The following MACROD2 variants were observed in gnomAD, a reference collection of about 807,000 sequenced individuals.
The protein encoded by MACROD2 is mono-ADP ribosylhydrolase 2, also known as ADP-ribose glycohydrolase MACROD2.
Under a neutral mutation model 70.4 loss-of-function variants are expected in MACROD2, and 36 were observed. The ratio of observed to expected loss-of-function variants is 0.51; its 90% CI spans 0.39 to 0.68. The LOEUF is 0.68. MACROD2 is among the 30% of genes least tolerant of loss of function. The pLI is 0.00. For synonymous variants in MACROD2, 172 were observed against 178.8 expected (o/e 0.96, Z 0.30); for missense variants, 496 against 538.4 (o/e 0.92, Z 0.78).
chr20:16,042,611 AGT>A (rs1016299037), intron 16 of MACROD2, among the ~76,000 whole-genome samples: 11 of 152,036 alleles, frequency 7.2e-5, no homozygotes, highest in African/African-American at 2.4e-4. Context: ...TTTTAGAACT[AGT>A]ATCCCTTGGT....
At chr20:14,685,929 GT>G (rs2070996623) in intron 5 of MACROD2, among the ~76,000 whole-genome samples, 1 of 152,174 alleles carries the variant, frequency 6.6e-6, no homozygotes, top group Non-Finnish European at 1.5e-5. Context: ...TGAATTTCTT[GT>G]GGATGTGTGT....
intron 5 of MACROD2, among the ~76,000 whole-genome samples, chr20:14,811,873 A>G (rs878942839): frequency 6.6e-6 from 1 of 152,148 alleles, no homozygotes; most frequent in African/African-American, 2.4e-5. Context: ...CAAAACCACA[A>G]TGAGATACCA....
chr20:15,994,177 A>G (rs1164385344), intron 15 of MACROD2, among the ~76,000 whole-genome samples: 1 of 152,190 alleles, frequency 6.6e-6, no homozygotes, highest in East Asian at 1.9e-4. Flanking sequence ...GTAGCTTCCA[A>G]CTTCATCTGA....
intron 4 of MACROD2, among the ~76,000 whole-genome samples, chr20:14,548,287 A>T (rs1473768334): frequency 6.6e-6 from 1 of 152,164 alleles, no homozygotes; most frequent in Non-Finnish European, 1.5e-5. Context: ...TTACTCCATG[A>T]TAGTTTTCCC....
intron 3 of MACROD2, among the ~76,000 whole-genome samples, chr20:14,434,580 C>T (rs1249981911): frequency 1.3e-5 from 2 of 152,128 alleles, no homozygotes; most frequent in African/African-American, 2.4e-5. Flanking sequence ...TTGTTAACAA[C>T]CTAAGGTGAG....
At chr20:15,110,713 C>T (rs533199935) in intron 5 of MACROD2, among the ~76,000 whole-genome samples, 2 of 152,248 alleles carry the variant, frequency 1.3e-5, no homozygotes, top group African/African-American at 2.4e-5. Flanking sequence ...TCTCCTTCTG[C>T]GAGGGACTAT....
intron 8 of MACROD2, among the ~76,000 whole-genome samples, chr20:15,553,852 A>C (rs1484014963): frequency 6.6e-6 from 1 of 152,256 alleles, no homozygotes; most frequent in Non-Finnish European, 1.5e-5. Context: ...GGCACGGACA[A>C]GAATCAGGAC....
At position 14,305,428 on chromosome 20, in the gene MACROD2, A is replaced by G. The variant is rs541182442; in HGVS notation, c.272-188051A>G. On this transcript the variant is annotated intron_variant, in intron 3 of 17. Transcript: ENST00000684519. Reference sequence around the variant, plus strand: ...TATTATCAATGGTGATTAGAACCAAAAACACAAAAGAGTGGAAGAGACTGA... The same window carrying G: ...TATTATCAATGGTGATTAGAACCAAGAACACAAAAGAGTGGAAGAGACTGA... Among the ~76,000 whole-genome samples the G allele has an allele frequency of 2.0e-5, 3 of 152,284 alleles. No homozygotes were observed. In the South Asian group the frequency reaches 6.2e-4, roughly 32 times the overall value.
chr20:15,451,225 C>G (rs1206457664), intron 7 of MACROD2, among the ~76,000 whole-genome samples: 1 of 151,858 alleles, frequency 6.6e-6, no homozygotes, highest in Non-Finnish European at 1.5e-5. Flanking sequence ...GTATGCTTCT[C>G]TTTGGGTTTT....
intron 4 of MACROD2, among the ~76,000 whole-genome samples, chr20:14,612,949 A>G (rs772456266): frequency 6.6e-6 from 1 of 152,054 alleles, no homozygotes; most frequent in South Asian, 2.1e-4. Flanking sequence ...TATTTCTTCT[A>G]TGCACCTACA....
chr20:14,081,251 C>A (rs952940119), intron 2 of MACROD2, among the ~76,000 whole-genome samples: 5 of 152,302 alleles, frequency 3.3e-5, no homozygotes, highest in Admixed American at 3.3e-4. Context: ...TATATTTCCT[C>A]TTAGTTATTT....
At chr20:15,987,240 C>A in intron 15 of MACROD2, 82 bp downstream of exon 15, 2 of 1,130,934 alleles carry the variant, frequency 1.8e-6, no homozygotes, top group Non-Finnish European at 2.6e-6. Flanking sequence ...CAAAGTTATT[C>A]TCATGCAATT....
At chr20:15,921,680 C>T (rs1396399815) in intron 10 of MACROD2, among the ~76,000 whole-genome samples, 1 of 152,232 alleles carries the variant, frequency 6.6e-6, no homozygotes, top group Non-Finnish European at 1.5e-5. Context: ...ACTGAGGATA[C>T]TATATTTGCG....
Position 15,161,103 on chromosome 20 carries a change from G to A in MACROD2, c.419-68837G>A, listed in dbSNP as rs147088626. Reference sequence around the variant, plus strand: ...CCTGGTTTTGCCTCATTGCCATGTGGATTGGACATGTCAGTTCACCTCTCT... The same window carrying A: ...CCTGGTTTTGCCTCATTGCCATGTGAATTGGACATGTCAGTTCACCTCTCT... On this transcript the variant is annotated intron_variant, in intron 5 of 17. Transcript: ENST00000684519. 6.2e-3 allele frequency among the ~76,000 whole-genome samples: 948 copies of A among 152,022 alleles called. 5 individuals carry two copies. The highest frequency in any genetic ancestry group is 0.01 in the Non-Finnish European group (686 of 67,930).
intron 3 of MACROD2, among the ~76,000 whole-genome samples, chr20:14,441,404 T>A (rs2084121531): frequency 6.6e-6 from 1 of 152,140 alleles, no homozygotes; most frequent in Non-Finnish European, 1.5e-5. Context: ...CACAAGATCT[T>A]GTGCAATAAT....
intron 5 of MACROD2, among the ~76,000 whole-genome samples, chr20:14,891,123 T>G (rs2073755033): frequency 6.6e-6 from 1 of 151,922 alleles, no homozygotes; most frequent in South Asian, 2.1e-4. Context: ...AACCCATACT[T>G]GGATATTGTT....
In MACROD2 at chr20:15,533,493, CA is replaced by C. The variant is rs1232026953; in HGVS notation, c.645+33653del. 3.3e-5 allele frequency among the ~76,000 whole-genome samples: 5 copies of C among 150,974 alleles called. No individual in the cohort carries two copies. In the East Asian group the frequency reaches 5.9e-4, roughly 18 times the overall value. On this transcript the variant is annotated intron_variant, in intron 8 of 17. Transcript: ENST00000684519. ...AATACTTTAGAGTTATTTCAGACAA[CA>C]AAAAAACCCTTAGAGATCATCTATC... is the stretch of plus-strand genomic sequence containing the variant.
At chr20:14,338,803 A>G (rs748519884) in intron 3 of MACROD2, among the ~76,000 whole-genome samples, 1 of 152,150 alleles carries the variant, frequency 6.6e-6, no homozygotes, top group Non-Finnish European at 1.5e-5. Context: ...TAACAGAATT[A>G]TACTTGTATT....
chr20:15,443,535 T>G (rs1158454761), intron 7 of MACROD2, among the ~76,000 whole-genome samples: 2 of 152,138 alleles, frequency 1.3e-5, no homozygotes, highest in Non-Finnish European at 2.9e-5. Context: ...ACTTCATTTC[T>G]AAATGTTTTA....
Sources: gnomAD v4.1 joint callset for allele counts (sites outside exome capture counted in the v4.1 genomes callset) on GRCh38, gnomAD v4.1.1 for gene constraint, MANE v1.5 for transcripts, NCBI Gene and HGNC (gene_info 2026-07-23, HGNC 2026-07-21) for gene names.